The following NPAS3 variants were observed in gnomAD, a reference collection of about 807,000 sequenced individuals.
NPAS3 encodes the protein neuronal PAS domain protein 3.
A neutral mutation model predicts 73.1 loss-of-function variants in NPAS3; 14 were observed. The ratio of observed to expected loss-of-function variants is 0.19; its 90% confidence interval spans 0.13 to 0.30. The LOEUF (loss-of-function observed/expected upper bound fraction) is 0.30. Ranked by LOEUF, NPAS3 falls within the 10% of genes least tolerant of loss-of-function variation. The pLI, the probability that NPAS3 is intolerant of heterozygous loss-of-function variation, is 1.00. For missense variants in NPAS3, 1,096 were observed against 1,250.0 expected (o/e 0.88, Z 1.86); for synonymous variants, 620 against 541.5 (o/e 1.14, Z -2.01).
chr14:32,935,098 T>C (rs2035655279), upstream of NPAS3: 1 of 610,878 alleles, frequency 1.6e-6, no homozygotes, highest in Non-Finnish European at 2.2e-6. Context: ...ACAACACACA[T>C]GCACATTGCC....
At chr14:33,307,747 A>G (rs554411291) in intron 3 of NPAS3, among the ~76,000 whole-genome samples, 1 of 152,268 alleles carries the variant, frequency 6.6e-6, no homozygotes, top group African/African-American at 2.4e-5. Flanking sequence ...ATATTCTCCA[A>G]TCAGAACTTG....
intron 2 of NPAS3, among the ~76,000 whole-genome samples, chr14:33,168,722 C>T (rs753263481): frequency 2.2e-4 from 34 of 152,084 alleles, no homozygotes; most frequent in Non-Finnish European, 4.0e-4. Context: ...TCCTTTTTCC[C>T]GCTTCACACC....
chr14:33,714,194 T>A (rs774494000), intron 6 of NPAS3, among the ~76,000 whole-genome samples: 1 of 152,084 alleles, frequency 6.6e-6, no homozygotes, highest in Non-Finnish European at 1.5e-5. Context: ...TCCCTCAGCA[T>A]TTCATATTTA....
At chr14:33,108,896 C>T (rs557665916) in intron 2 of NPAS3, among the ~76,000 whole-genome samples, 1 of 152,164 alleles carries the variant, frequency 6.6e-6, no homozygotes, top group African/African-American at 2.4e-5. Flanking sequence ...ATATAAAGTG[C>T]GTTTGTCATA....
chr14:33,772,269 C>T (rs779636900), intron 7 of NPAS3, among the ~76,000 whole-genome samples: 8 of 152,140 alleles, frequency 5.3e-5, no homozygotes, highest in Non-Finnish European at 8.8e-5. Context: ...GTGACTTGCC[C>T]GTGGTAACGG....
rs2047373306 is a variant in NPAS3, at chr14:33,220,186, A to C, written c.385+4760A>C. Among the ~76,000 whole-genome samples the C allele has an allele frequency of 3.3e-5, 5 of 152,154 alleles. 1 individual carries two copies. On this transcript the variant is annotated intron_variant, in intron 3 of 11. Transcript: ENST00000356141. ...ACGAGTAGGGCAAAGATGGTAACTC[A>C]GTTCTTGCTTGACTCCTCTTCCTAC...
intron 4 of NPAS3, among the ~76,000 whole-genome samples, chr14:33,428,522 C>T (rs1436645840): frequency 6.6e-6 from 1 of 152,046 alleles, no homozygotes; most frequent in Non-Finnish European, 1.5e-5. Flanking sequence ...TAATGTTGAA[C>T]ATTAATGTTC....
chr14:33,540,344 A>C (rs1223638243), intron 4 of NPAS3, among the ~76,000 whole-genome samples: 1 of 152,212 alleles, frequency 6.6e-6, no homozygotes, highest in Non-Finnish European at 1.5e-5. Flanking sequence ...CCTTCTCTGA[A>C]GATAAATGGA....
intron 3 of NPAS3, among the ~76,000 whole-genome samples, chr14:33,295,426 G>T (rs898166379): frequency 6.6e-6 from 1 of 152,110 alleles, no homozygotes. Context: ...TTTCTATCTA[G>T]CTCCACTTTG....
rs996421956 is a variant in NPAS3 at position 33,569,945 on chromosome 14, C to T, written c.558+9735C>T. ...CTCTTTACCATAAAATGTACAGGCTCGCCTTGCTTTAAGAAATGTTAAGGC... is the reference window on the plus strand; with the variant it reads ...CTCTTTACCATAAAATGTACAGGCTTGCCTTGCTTTAAGAAATGTTAAGGC... On this transcript the variant is annotated intron_variant, in intron 5 of 11. Coordinates refer to ENST00000356141, the Ensembl canonical transcript of NPAS3. Among the ~76,000 whole-genome samples, 5 of 152,104 alleles carry T rather than the reference C, an allele frequency of 3.3e-5. No homozygotes were observed. In the South Asian group the frequency reaches 1.0e-3, roughly 32 times the overall value.
At chr14:33,160,651 A>G (rs1176035111) in intron 2 of NPAS3, among the ~76,000 whole-genome samples, 1 of 151,952 alleles carries the variant, frequency 6.6e-6, no homozygotes, top group Non-Finnish European at 1.5e-5. Context: ...TAAAAAAAAA[A>G]AAAGAAAAGT....
intron 7 of NPAS3, among the ~76,000 whole-genome samples, chr14:33,767,587 A>G (rs932671163): frequency 2.2e-5 from 3 of 137,116 alleles, no homozygotes. Context: ...CTCTAAACCC[A>G]GGGACTCTTG....
At chr14:33,511,222 G>A (rs899962162) in intron 4 of NPAS3, among the ~76,000 whole-genome samples, 7 of 152,144 alleles carry the variant, frequency 4.6e-5, no homozygotes, top group East Asian at 1.9e-4. Context: ...TTGCAGAAAC[G>A]CATCAGACTC....
At chr14:33,575,413 A>G (rs1358554012) in intron 5 of NPAS3, among the ~76,000 whole-genome samples, 1 of 152,160 alleles carries the variant, frequency 6.6e-6, no homozygotes, top group Non-Finnish European at 1.5e-5. Flanking sequence ...TGACCCTTAA[A>G]TCACCTATAA....
intron 3 of NPAS3, among the ~76,000 whole-genome samples, chr14:33,341,977 C>T (rs952549463): frequency 6.6e-6 from 1 of 152,144 alleles, no homozygotes; most frequent in South Asian, 2.1e-4. Context: ...GTCTTGTATG[C>T]CATTCCGTAC....
At chr14:33,508,626 A>T (rs977249350) in intron 4 of NPAS3, among the ~76,000 whole-genome samples, 1 of 152,042 alleles carries the variant, frequency 6.6e-6, no homozygotes, top group Non-Finnish European at 1.5e-5. Flanking sequence ...ATCCTCCATT[A>T]TCCTCAGAGG....
At chr14:33,013,139 G>C (rs1042281326) in intron 1 of NPAS3, among the ~76,000 whole-genome samples, 2 of 152,126 alleles carry the variant, frequency 1.3e-5, no homozygotes, top group African/African-American at 4.8e-5. Flanking sequence ...TCTTCACTCA[G>C]TTTCTCCATA....
intron 3 of NPAS3, among the ~76,000 whole-genome samples, chr14:33,237,522 A>G (rs1366726391): frequency 6.6e-6 from 1 of 152,128 alleles, no homozygotes; most frequent in South Asian, 2.1e-4. Context: ...GACAGTGAGC[A>G]AAACAGCAGT....
At chr14:33,732,460 T>C (rs1353354980) in intron 6 of NPAS3, among the ~76,000 whole-genome samples, 2 of 152,216 alleles carry the variant, frequency 1.3e-5, no homozygotes, top group Admixed American at 6.5e-5. Context: ...CCAAGTGTAT[T>C]TGCTAGCTCT....
Sources: gnomAD v4.1 joint callset for allele counts (sites outside exome capture counted in the v4.1 genomes callset) on GRCh38, gnomAD v4.1.1 for gene constraint, MANE v1.5 for transcripts, NCBI Gene and HGNC (gene_info 2026-07-23, HGNC 2026-07-21) for gene names.